BROX: variants seen among roughly 807,000 people sequenced by gnomAD.
The protein encoded by BROX is BRO1 domain-containing protein BROX.
A neutral mutation model predicts 61.0 loss-of-function variants in BROX; 53 were observed. The ratio of observed to expected loss-of-function variants is 0.87; its 90% CI spans 0.70 to 1.09. BROX has a LOEUF of 1.09. Ranked by LOEUF, BROX falls within the 50% of genes least tolerant of loss-of-function variation. The pLI is 0.00. For synonymous variants in BROX, 152 were observed against 160.2 expected (o/e 0.95, Z 0.38); for missense variants, 489 against 472.0 (o/e 1.04, Z -0.33).
chr1:222,724,800 GT>G (rs973292862), intron 6 of BROX, among the ~76,000 whole-genome samples: 1 of 151,572 alleles, frequency 6.6e-6, no homozygotes, highest in Non-Finnish European at 1.5e-5. Flanking sequence ...TTGTAGTGGG[GT>G]TTTTTTTCTT....
chr1:222,725,387 A>G (rs1657424984), intron 6 of BROX, 63 bp from the exon 7 acceptor site: 15 of 1,154,944 alleles, frequency 1.3e-5, no homozygotes, highest in Non-Finnish European at 1.9e-5. Context: ...CTTCATCTCT[A>G]ACAACTGGAT....
intron 8 of BROX, among the ~76,000 whole-genome samples, 191 bp downstream of exon 8, chr1:222,727,448 A>G (rs560625467): frequency 1.1e-4 from 17 of 152,310 alleles, no homozygotes; most frequent in Non-Finnish European, 2.4e-4. Flanking sequence ...AATGGAGGGG[A>G]AAACCAGTGA....
Position 222,722,439 on chromosome 1 carries a change from T to C in BROX, c.326T>C (p.Phe109Ser). Reference sequence around the variant, plus strand: ...TCCAGTGCCCAGCAGGATGCTGTTTTTGAATTAATTTCCATGGGATTTAAT... The same window carrying C: ...TCCAGTGCCCAGCAGGATGCTGTTTCTGAATTAATTTCCATGGGATTTAAT... ...QVPSAQQDAV[F>S]ELISMGFNVA... The change falls in exon 5 of 13, where the codon TTT becomes TCT. Residue 109 changes from phenylalanine to serine, a missense_variant. Physicochemically the swap from Phe to Ser is radical, Grantham distance 155 (BLOSUM62 -2). Transcript: ENST00000340934. 1 of 1,613,318 alleles carries C rather than the reference T, an allele frequency of 6.2e-7. No homozygotes were observed. Among genetic ancestry groups the C allele is most frequent in the Non-Finnish European group, 8.5e-7 (1 of 1,179,390 alleles).
chr1:222,729,096 A>T (rs537997646), intron 9 of BROX, among the ~76,000 whole-genome samples: 1 of 152,332 alleles, frequency 6.6e-6, no homozygotes, highest in African/African-American at 2.4e-5. Context: ...AAATTCTTTC[A>T]ATTGTTTCAT....
intron 8 of BROX, 72 bp from the exon 9 acceptor site, chr1:222,728,671 G>T: frequency 2.1e-6 from 2 of 953,494 alleles, no homozygotes; most frequent in South Asian, 1.8e-5. Context: ...TTTATCATCA[G>T]AACACATGAA....
chr1:222,715,622 T>C, intron 1 of BROX, 62 bp from the exon 2 acceptor site: 2 of 685,154 alleles, frequency 2.9e-6, no homozygotes, highest in Non-Finnish European at 2.2e-6. Flanking sequence ...TTATGCTATT[T>C]ACCTTGTTTA....
chr1:222,714,492 GTT>G (rs1052431146), intron 1 of BROX, among the ~76,000 whole-genome samples: 3 of 135,644 alleles, frequency 2.2e-5, no homozygotes, highest in Admixed American at 7.4e-5. Flanking sequence ...GCCACCGCGC[GTT>G]TTTTTTTTTT....
At chr1:222,730,301 GCACT>G (rs1480289328) in intron 11 of BROX, 124 bp downstream of exon 11, 1 of 640,412 alleles carries the variant, frequency 1.6e-6, no homozygotes, top group Non-Finnish European at 2.3e-6. Context: ...ATGTTGAATA[GCACT>G]CACTCATGGG....
intron 1 of BROX, 57 bp downstream of exon 1, chr1:222,712,999 G>A (rs1571951654): frequency 8.5e-7 from 1 of 1,173,150 alleles, no homozygotes; most frequent in Non-Finnish European, 1.1e-6. Context: ...CTTCCCCGGA[G>A]TCTCAAGCAA....
intron 4 of BROX, among the ~76,000 whole-genome samples, chr1:222,720,727 C>T (rs1475293616): frequency 2.0e-5 from 3 of 151,682 alleles, no homozygotes; most frequent in African/African-American, 7.3e-5. Context: ...ACAGGAGAAT[C>T]GCTTGAACCC....
At chr1:222,729,442 A>G (rs1250924872) in intron 9 of BROX, among the ~76,000 whole-genome samples, 178 bp from the exon 10 acceptor site, 1 of 152,186 alleles carries the variant, frequency 6.6e-6, no homozygotes, top group Non-Finnish European at 1.5e-5. Flanking sequence ...GTTTGGGCTC[A>G]AGACTTGACA....
Position 222,731,453 on chromosome 1 carries a change from T to C in BROX, c.1086T>C (p.Ser362=), listed in dbSNP as rs77309380. ...TACCTTTCGAATTTCCTCCTACAAG[T>C]GTTCAGTGGACACCAGAAACATTGG... The part of the protein sequence containing the change: ...EPIPFEFPPT[S]VQWTPETLAA... Residue 362 remains serine (S), a synonymous_variant, in exon 12 of 13, where the codon AGT becomes AGC. Coordinates refer to ENST00000340934, the MANE Select transcript of BROX (RefSeq NM_144695.4). 2,239 of 1,604,686 alleles carry C rather than the reference T, an allele frequency of 1.4e-3. 43 individuals carry two copies. The South Asian group carries it at 0.016, about 12-fold the overall frequency.
rs761197197 is a variant in BROX at position 222,722,546 on chromosome 1, G to A, written c.401+32G>A. 3.2e-5 allele frequency: 46 copies of A among 1,449,198 alleles called. 1 individual carries two copies. Among genetic ancestry groups the A allele is most frequent in the Admixed American group, 5.6e-5 (3 of 54,006 alleles). 89.8% of individuals were successfully genotyped at this position (1,449,198 alleles called of 1,614,324 possible). On this transcript the variant is annotated intron_variant, in intron 5 of 12. Transcript: ENST00000340934. Reference sequence around the variant, plus strand: ...TAATAGGAGAGGATTGTGTACATCTGTGTTATTTTTCAAGTATGTGGCGCT... The same window carrying A: ...TAATAGGAGAGGATTGTGTACATCTATGTTATTTTTCAAGTATGTGGCGCT...
chr1:222,731,511 G>T lies in BROX; in HGVS notation c.1144G>T (p.Asp382Tyr). ...AFDLTKRPKD[D>Y]STKPKPEEEV... ...TGATCTCACCAAAAGACCCAAGGAT[G>T]ACAGTGTATGAGATTGTTTTTTTTT... is the stretch of plus-strand genomic sequence containing the variant. The change falls in exon 12 of 13, where the codon GAC (aspartate) becomes TAC (tyrosine). Residue 382 changes from aspartate (D) to tyrosine (Y), a missense_variant. Physicochemically the swap from Asp to Tyr is radical, Grantham distance 160 (BLOSUM62 -3). Transcript: ENST00000340934. 6.3e-7 allele frequency: 1 copy of T among 1,581,742 alleles called. No individual in the cohort carries two copies. The highest frequency in any genetic ancestry group is 1.4e-5 in the African/African-American group (1 of 72,438).
chr1:222,721,074 A>G (rs1009063494), intron 4 of BROX, among the ~76,000 whole-genome samples: 2 of 152,248 alleles, frequency 1.3e-5, no homozygotes, highest in Admixed American at 6.5e-5. Flanking sequence ...GTTTGGAAAC[A>G]AGGCATGTTA....
At chr1:222,715,277 T>C (rs970965194) in intron 1 of BROX, 1 of 152,332 alleles carries the variant, frequency 6.6e-6, no homozygotes, top group Non-Finnish European at 1.5e-5. Context: ...CAGGTGATTT[T>C]TATGTATATT....
At position 222,733,160 on chromosome 1, in the gene BROX, A is replaced by T. The variant is rs1316284304; in HGVS notation, c.*446A>T. Reference sequence around the variant, plus strand: ...AGTGGCATGATCTCGGCTCACTGCAACCCTCCACCTCCTGAATTAAAGTGA... The same window carrying T: ...AGTGGCATGATCTCGGCTCACTGCATCCCTCCACCTCCTGAATTAAAGTGA... On this transcript the variant is annotated 3_prime_UTR_variant, in exon 13 of 13. Coordinates refer to ENST00000340934, the MANE Select transcript of BROX (RefSeq NM_144695.4). 1 of 141,046 alleles carries T rather than the reference A, an allele frequency of 7.1e-6. No homozygotes were observed. Among genetic ancestry groups the T allele is most frequent in the Admixed American group, 7.6e-5 (1 of 13,228 alleles). The allele number at this position is 141,046 out of a possible 1,614,324, so 8.7% of individuals were successfully genotyped here. A position where few individuals can be genotyped will look rare whatever the true frequency, so the allele number is the denominator to read the frequency against.
In BROX at chr1:222,725,472, T is replaced by G. The variant is rs771622708; in HGVS notation, c.497T>G (p.Ile166Ser). 1.7e-5 allele frequency: 28 copies of G among 1,611,692 alleles called. No individual in the cohort carries two copies. The highest frequency in any genetic ancestry group is 2.4e-5 in the Non-Finnish European group (28 of 1,179,172). ...CAGGAAAGTCATCTCCCAAAACTCA[T>G]TACACCTGCGGAAAAAGGAAGAGAT... Reference protein sequence around the residue: ...HLKESHLPKLITPAEKGRDLE... With the variant: ...HLKESHLPKLSTPAEKGRDLE... The change falls in exon 7 of 13, where the codon ATT becomes AGT. Residue 166 changes from isoleucine (I) to serine (S), a missense_variant. Coordinates refer to ENST00000340934, the MANE Select transcript of BROX (RefSeq NM_144695.4).
chr1:222,721,571 T>C (rs1363146100), intron 4 of BROX, among the ~76,000 whole-genome samples: 3 of 152,162 alleles, frequency 2.0e-5, no homozygotes, highest in Non-Finnish European at 4.4e-5. Flanking sequence ...TGAGATCATG[T>C]GTAAAAAATT....
Sources: allele counts gnomAD v4.1 joint callset (sites outside exome capture counted in the v4.1 genomes callset), GRCh38; gene constraint gnomAD v4.1.1; transcripts MANE v1.5; gene names NCBI Gene and HGNC (gene_info 2026-07-23, HGNC 2026-07-21).